The following C2CD5 variants were observed in gnomAD, a reference collection of about 807,000 sequenced individuals.
C2CD5 encodes C2 calcium dependent domain containing 5.
C2CD5 carries 109 observed loss-of-function variants against 130.3 expected under a neutral mutation model. That is an observed-to-expected ratio of 0.84 (90% CI 0.72 to 0.98). The LOEUF is 0.98. Among genes scored for constraint, C2CD5 ranks in the 50% least tolerant of loss-of-function variants. The pLI is 0.00. For synonymous variants in C2CD5, 454 were observed against 429.2 expected (o/e 1.06, Z -0.71); for missense variants, 996 against 1,261.8 (o/e 0.79, Z 3.19).
chr12:22,524,013 A>C (rs1270969620), intron 6 of C2CD5, among the ~76,000 whole-genome samples: 3 of 152,152 alleles, frequency 2.0e-5, no homozygotes, highest in African/African-American at 7.2e-5. Flanking sequence ...AGAAAAATTT[A>C]AAAAGGGAAT....
chr12:22,535,508 T>C lies in C2CD5; in HGVS notation c.91-164A>G, dbSNP rs555446392. Among the ~76,000 whole-genome samples the C allele has an allele frequency of 3.3e-5, 5 of 152,254 alleles. No individual in the cohort carries two copies. The East Asian group carries it at 9.6e-4, about 29-fold the overall frequency. ...GTACAGATGGATCCAGGTAAGATTGTAGACTAATAATAATACCCACAACAA... is the reference window on the plus strand; with the variant it reads ...GTACAGATGGATCCAGGTAAGATTGCAGACTAATAATAATACCCACAACAA... On this transcript the variant is annotated intron_variant, in intron 2 of 26. Coordinates refer to ENST00000446597, the MANE Select transcript of C2CD5 (RefSeq NM_001286176.2).
intron 9 of C2CD5, among the ~76,000 whole-genome samples, chr12:22,508,329 A>AG (rs1163216420): frequency 6.6e-6 from 1 of 152,218 alleles, no homozygotes; most frequent in Non-Finnish European, 1.5e-5. Flanking sequence ...ATAGCCCAGC[A>AG]GAAAGGTAGA....
intron 7 of C2CD5, among the ~76,000 whole-genome samples, chr12:22,522,608 GAA>G (rs1012776004): frequency 6.6e-6 from 1 of 152,112 alleles, no homozygotes; most frequent in African/African-American, 2.4e-5. Flanking sequence ...GCCTTTCCCA[GAA>G]AAAGTTTGCC....
At chr12:22,524,353 C>T (rs749783699) in intron 6 of C2CD5, 119 bp downstream of exon 6, 2 of 758,080 alleles carry the variant, frequency 2.6e-6, no homozygotes, top group Admixed American at 2.6e-5. Flanking sequence ...CAGGGGAAGG[C>T]ATGCAGTCAC....
intron 26 of C2CD5, among the ~76,000 whole-genome samples, chr12:22,452,030 G>A (rs538384461): frequency 6.6e-6 from 1 of 152,284 alleles, no homozygotes; most frequent in East Asian, 1.9e-4. Context: ...TTCTGGATAA[G>A]CTGATTTTGA....
At chr12:22,511,955 G>GAC (rs148523013) in intron 9 of C2CD5, among the ~76,000 whole-genome samples, 227 of 152,094 alleles carry the variant, frequency 1.5e-3, no homozygotes, top group African/African-American at 4.9e-3. Context: ...ATGGTAAGTG[G>GAC]ACACACACAC....
At chr12:22,542,122 CCTT>C (rs1952449087) in intron 2 of C2CD5, among the ~76,000 whole-genome samples, 1 of 152,228 alleles carries the variant, frequency 6.6e-6, no homozygotes, top group Non-Finnish European at 1.5e-5. Flanking sequence ...AATTTTACCA[CCTT>C]CTTAACTGAT....
At chr12:22,490,239 ACAAGTTAACATTTTT>A in intron 11 of C2CD5, 21 bp from the exon 12 acceptor site, 2 of 1,525,746 alleles carry the variant, frequency 1.3e-6, no homozygotes, top group Non-Finnish European at 1.8e-6. Flanking sequence ...AAAAACACAA[ACAAGTTAACATTTTT>A]CAGACCGTAT....
At position 22,449,851 on chromosome 12, in the gene C2CD5, A is replaced by G. The variant is rs1234845197; in HGVS notation, c.3065T>C (p.Phe1022Ser). 1 of 1,611,830 alleles carries G rather than the reference A, an allele frequency of 6.2e-7. No individual in the cohort carries two copies. The highest frequency in any genetic ancestry group is 1.7e-5 in the Admixed American group (1 of 59,964). ...LINVSGDAVVFVRESDLEVVS... is the reference protein window; with the variant it reads ...LINVSGDAVVSVRESDLEVVS... ...CACTTCTAAGTCAGATTCACGAACAAAAACCACTGCATCACCACTTACATT... is the reference window on the plus strand; with the variant it reads ...CACTTCTAAGTCAGATTCACGAACAGAAACCACTGCATCACCACTTACATT... Residue 1022 changes from phenylalanine to serine, a missense_variant, in exon 27 of 27, where the codon TTT (phenylalanine) becomes TCT (serine). Around this residue, in one of 9 missense-constraint regions of C2CD5, gnomAD observed 48 missense variants for 46.4 expected, o/e 1.03. Transcript: ENST00000446597.
intron 24 of C2CD5, among the ~76,000 whole-genome samples, chr12:22,457,868 T>C (rs1373197169): frequency 2.0e-5 from 3 of 152,122 alleles, no homozygotes; most frequent in Non-Finnish European, 2.9e-5. Context: ...CAAGGTCTCA[T>C]AGCTATTAAA....
chr12:22,453,298 G>C (rs966774036), intron 26 of C2CD5, among the ~76,000 whole-genome samples: 1 of 152,120 alleles, frequency 6.6e-6, no homozygotes. Context: ...TAGGATTTTT[G>C]ATGTGTGCCA....
chr12:22,526,239 T>TAATTAGAAAGGAGTCCCATTTG, intron 4 of C2CD5, among the ~76,000 whole-genome samples: 1 of 152,306 alleles, frequency 6.6e-6, no homozygotes, highest in African/African-American at 2.4e-5. Context: ...GACCCAAGAC[T>TAATTAGAAAGGAGTCCCATTTG]AATTAGAAAG....
Position 22,472,755 on chromosome 12 carries a change from G to A in C2CD5, c.2096C>T (p.Pro699Leu). 2 of 1,567,456 alleles carry A rather than the reference G, an allele frequency of 1.3e-6. No individual in the cohort carries two copies. The highest frequency in any genetic ancestry group is 1.8e-6 in the Non-Finnish European group (2 of 1,138,200). The change falls in exon 17 of 27, where the codon CCT becomes CTT. Residue 699 changes from proline to leucine, a missense_variant. Around this residue, in one of 9 missense-constraint regions of C2CD5, gnomAD observed 590 missense variants for 631.4 expected, o/e 0.93. Coordinates refer to ENST00000446597, the MANE Select transcript of C2CD5 (RefSeq NM_001286176.2). Reference protein sequence around the residue: ...EDVHSLLTDVPPPSGFYSCNT... With the variant: ...EDVHSLLTDVLPPSGFYSCNT... ...ACTTTTTTGTTCACCTGAAGGAGGAGGAACATCAGTAAGTAGAGAATGGAC... is the reference window on the plus strand; with the variant it reads ...ACTTTTTTGTTCACCTGAAGGAGGAAGAACATCAGTAAGTAGAGAATGGAC...
At chr12:22,485,388 T>C (rs894798415) in intron 12 of C2CD5, among the ~76,000 whole-genome samples, 2 of 151,974 alleles carry the variant, frequency 1.3e-5, no homozygotes, top group Admixed American at 1.3e-4. Context: ...GACCTAGCGT[T>C]TGATAGCACA....
chr12:22,472,738 G>T lies in C2CD5; in HGVS notation c.2107+6C>A, dbSNP rs1225248012. 1.7e-5 allele frequency: 25 copies of T among 1,501,674 alleles called. No homozygotes were observed. In the Admixed American group the frequency reaches 3.9e-4, roughly 23 times the overall value. The allele number at this position is 1,501,674 out of a possible 1,614,324, so 93.0% of individuals were successfully genotyped here. A position where few individuals can be genotyped will look rare whatever the true frequency, so the allele number is the denominator to read the frequency against. On this transcript the variant is annotated splice_donor_region_variant and intron_variant, in intron 17 of 26. Transcript: ENST00000446597. ...GTTTCATCTCAAAGATAACTTTTTT[G>T]TTCACCTGAAGGAGGAGGAACATCA... is the stretch of plus-strand genomic sequence containing the variant.
At chr12:22,492,194 T>A (rs1449378643) in intron 11 of C2CD5, among the ~76,000 whole-genome samples, 1 of 152,080 alleles carries the variant, frequency 6.6e-6, no homozygotes, top group Non-Finnish European at 1.5e-5. Flanking sequence ...AAGAATTACC[T>A]AAGAATAGAT....
Position 22,478,021 on chromosome 12 carries a change from A to T in C2CD5, c.1902+292T>A. Reference sequence around the variant, plus strand: ...ACAAAACACACACACTCACACACACACACACACTCACACACACACACACTC... The same window carrying T: ...ACAAAACACACACACTCACACACACTCACACACTCACACACACACACACTC... On this transcript the variant is annotated intron_variant, in intron 15 of 26. Transcript: ENST00000446597. 2.7e-6 allele frequency: 1 copy of T among 364,314 alleles called. No homozygotes were observed. The allele number at this position is 364,314 out of a possible 1,614,324, so 22.6% of individuals were successfully genotyped here. A position where few individuals can be genotyped will look rare whatever the true frequency, so the allele number is the denominator to read the frequency against.
At chr12:22,455,524 G>C (rs1231102810) in intron 25 of C2CD5, among the ~76,000 whole-genome samples, 2 of 152,130 alleles carry the variant, frequency 1.3e-5, no homozygotes, top group Non-Finnish European at 2.9e-5. Context: ...AGTAGAAAAG[G>C]TTAATTCATA....
chr12:22,531,910 G>A (rs1258098268), intron 3 of C2CD5, among the ~76,000 whole-genome samples: 1 of 152,024 alleles, frequency 6.6e-6, no homozygotes, highest in East Asian at 1.9e-4. Context: ...TATTTTTTTA[G>A]CACACCTACA....
Sources: gnomAD v4.1 joint callset for allele counts (sites outside exome capture counted in the v4.1 genomes callset) on GRCh38, gnomAD v4.1.1 for gene constraint, gnomAD v4.1.1 regional missense constraint, MANE v1.5 for transcripts, NCBI Gene and HGNC (gene_info 2026-07-23, HGNC 2026-07-21) for gene names.